F3: variants seen among roughly 807,000 people sequenced by gnomAD.
F3 encodes tissue factor.
Under a neutral mutation model 33.5 loss-of-function variants are expected in F3, and 18 were observed. That is an observed-to-expected ratio of 0.54 (90% CI 0.37 to 0.80). The LOEUF is 0.80. Ranked by LOEUF, F3 falls within the 30% of genes least tolerant of loss-of-function variation. The pLI is 0.00. For missense variants in F3, 353 were observed against 362.1 expected, an observed-to-expected ratio of 0.97 and a Z score of 0.20; for synonymous variants, 147 against 140.7, an observed-to-expected ratio of 1.05 and a Z score of -0.32.
intron 1 of F3, chr1:94,540,614 T>C: frequency 2.4e-6 from 1 of 418,588 alleles, no homozygotes; most frequent in South Asian, 2.9e-5. Flanking sequence ...ACATTTTCGT[T>C]TGAAATTATT....
intron 2 of F3, 35 bp from the exon 3 acceptor site, chr1:94,536,199 A>G (rs1462476371): frequency 4.4e-6 from 7 of 1,599,588 alleles, no homozygotes; most frequent in Non-Finnish European, 5.1e-6. Flanking sequence ...ACATAAATGG[A>G]ATGTTACAAT....
Position 94,532,446 on chromosome 1 carries a change from A to G in F3, c.626T>C (p.Ile209Thr). 6.2e-7 allele frequency: 1 copy of G among 1,614,144 alleles called. No homozygotes were observed. The highest frequency in any genetic ancestry group is 8.5e-7 in the Non-Finnish European group (1 of 1,180,032). The part of the protein sequence containing the change: ...TAKTNTNEFL[I>T]DVDKGENYCF... The stretch of plus-strand genomic sequence containing the variant: ...GTAGTTTTCTCCTTTATCCACATCA[A>G]TCAAAAACTCATTAGTGTTTGTTTT... Residue 209 changes from isoleucine to threonine, a missense_variant, in exon 5 of 6, where the codon ATT becomes ACT. Physicochemically the swap from Ile to Thr is moderately conservative, Grantham distance 89. Coordinates refer to ENST00000334047, the MANE Select transcript of F3 (RefSeq NM_001993.5).
In F3 at chr1:94,535,158, C is replaced by T. The variant is rs368839344; in HGVS notation, c.412+807G>A. Among the ~76,000 whole-genome samples the T allele has an allele frequency of 2.4e-4, 36 of 152,152 alleles. 1 individual carries two copies. The highest frequency in any genetic ancestry group is 6.5e-4 in the African/African-American group (27 of 41,448). On this transcript the variant is annotated intron_variant, in intron 3 of 5. Transcript: ENST00000334047. ...CCTACCTTGAGAAACTGTTCTCTCT[C>T]GCTGGGCCTAACACTCACACAACAC...
At chr1:94,538,251 T>C (rs1651668690) in intron 2 of F3, among the ~76,000 whole-genome samples, 1 of 152,218 alleles carries the variant, frequency 6.6e-6, no homozygotes, top group Non-Finnish European at 1.5e-5. Context: ...AAATTCAGCT[T>C]TAGAATTCAG....
rs1570859255 is a variant in F3, at chr1:94,530,192, C to T, written c.*268G>A. 3.5e-6 allele frequency: 1 copy of T among 289,468 alleles called. No individual in the cohort carries two copies. The highest frequency in any genetic ancestry group is 6.1e-5 in the East Asian group (1 of 16,464). The allele number at this position is 289,468 out of a possible 1,614,324, so 17.9% of individuals were successfully genotyped here. A position where few individuals can be genotyped will look rare whatever the true frequency, so the allele number is the denominator to read the frequency against. ...ACTCCTTGAGTGCGGAATATATAAT[C>T]TAAAGCATGTTATGTGCAAAAGGTG... is the stretch of plus-strand genomic sequence containing the variant. On this transcript the variant is annotated 3_prime_UTR_variant, in exon 6 of 6. Transcript: ENST00000334047.
rs755462071 is a variant in F3, at chr1:94,530,559, G to C, written c.789C>G (p.Val263=). 3 of 1,614,076 alleles carry C rather than the reference G, an allele frequency of 1.9e-6. No individual in the cohort carries two copies. Among genetic ancestry groups the C allele is most frequent in the Non-Finnish European group, 2.5e-6 (3 of 1,180,014 alleles). ...FYIIGAVVFV[V]IILVIILAIS... ...TAGCCAGGATGATGACAAGGATGAT[G>C]ACCACAAATACCACAGCTCCAATGA... is the stretch of plus-strand genomic sequence containing the variant. Residue 263 remains valine, a synonymous_variant, in exon 6 of 6, where the codon GTC becomes GTG. Coordinates refer to ENST00000334047, the MANE Select transcript of F3 (RefSeq NM_001993.5).
Position 94,540,531 on chromosome 1 carries a change from A to T in F3, c.101-163T>A. The T allele has an allele frequency of 5.6e-6, 3 of 538,782 alleles. No individual in the cohort carries two copies. In the East Asian group the frequency reaches 9.4e-5, roughly 17 times the overall value. 33.4% of individuals were successfully genotyped at this position (538,782 alleles called of 1,614,324 possible). On this transcript the variant is annotated intron_variant, in intron 1 of 5. Coordinates refer to ENST00000334047, the MANE Select transcript of F3 (RefSeq NM_001993.5). ...ATTATCAAGAGAAAAAGAATCTTCA[A>T]ATTTTTTCTAGACCTAGAATTTCTT... is the stretch of plus-strand genomic sequence containing the variant.
At chr1:94,532,906 G>A in intron 4 of F3, 184 bp downstream of exon 4, 1 of 636,372 alleles carries the variant, frequency 1.6e-6, no homozygotes, top group Non-Finnish European at 2.7e-6. Flanking sequence ...ACAGGGTAGT[G>A]CAGAGTCACA....
At chr1:94,530,876 G>C (rs1651403451) in intron 5 of F3, among the ~76,000 whole-genome samples, 1 of 152,228 alleles carries the variant, frequency 6.6e-6, no homozygotes. Flanking sequence ...TGGCTGGAAA[G>C]AAGTGCCTAA....
chr1:94,530,358 A>G lies in F3; in HGVS notation c.*102T>C, dbSNP rs1570859402. 7 of 1,479,282 alleles carry G rather than the reference A, an allele frequency of 4.7e-6. No homozygotes were observed. In the East Asian group the frequency reaches 1.4e-4, roughly 29 times the overall value. The allele number at this position is 1,479,282 out of a possible 1,614,324, so 91.6% of individuals were successfully genotyped here. A position where few individuals can be genotyped will look rare whatever the true frequency, so the allele number is the denominator to read the frequency against. ...GAGTTTTTTGAACTCCAGGGTCTTC[A>G]TGCTCCGAAATACTCATTTGCGTTT... On this transcript the variant is annotated 3_prime_UTR_variant, in exon 6 of 6. Coordinates refer to ENST00000334047, the MANE Select transcript of F3 (RefSeq NM_001993.5).
intron 5 of F3, among the ~76,000 whole-genome samples, chr1:94,531,760 C>T (rs1465540866): frequency 2.0e-5 from 3 of 152,224 alleles, no homozygotes; most frequent in African/African-American, 7.2e-5. Context: ...GCACAATGGG[C>T]CTGAGCTCCC....
At position 94,541,675 on chromosome 1, in the gene F3, C is replaced by T. The variant is rs772317166; in HGVS notation, c.-39G>A. The T allele has an allele frequency of 1.5e-6, 2 of 1,322,184 alleles. No individual in the cohort carries two copies. The highest frequency in any genetic ancestry group is 9.9e-7 in the Non-Finnish European group (1 of 1,014,026). 81.9% of individuals were successfully genotyped at this position (1,322,184 alleles called of 1,614,324 possible). On this transcript the variant is annotated 5_prime_UTR_variant, in exon 1 of 6. Coordinates refer to ENST00000334047, the MANE Select transcript of F3 (RefSeq NM_001993.5). ...CGGCGAGATCGAGCGGGTTCCGTGG[C>T]GCCCGTGGGGCTGGGGAGGTTGGGC...
chr1:94,532,556 T>TA, intron 4 of F3, 76 bp from the exon 5 acceptor site: 1 of 1,525,388 alleles, frequency 6.6e-7, no homozygotes, highest in South Asian at 1.2e-5. Flanking sequence ...ACTGTGGAAG[T>TA]AAAAACCTAG....
Position 94,533,095 on chromosome 1 carries a change from C to G in F3, c.586G>C (p.Gly196Arg). ...ACAAATTAAAAAATGCTCACCTTTC[C>G]TGAACTTGAAGATTTCCAATAATAA... ...TLYYWKSSSSGKKTAKTNTNE... is the reference protein window; with the variant it reads ...TLYYWKSSSSRKKTAKTNTNE... The change falls in exon 4 of 6, where the codon GGA (glycine) becomes CGA (arginine). Residue 196 changes from glycine (G) to arginine (R), a missense_variant. Coordinates refer to ENST00000334047, the MANE Select transcript of F3 (RefSeq NM_001993.5). The G allele has an allele frequency of 6.2e-7, 1 of 1,612,442 alleles. No individual in the cohort carries two copies. The highest frequency in any genetic ancestry group is 8.5e-7 in the Non-Finnish European group (1 of 1,179,670).
intron 3 of F3, among the ~76,000 whole-genome samples, chr1:94,534,314 T>C (rs1284531143): frequency 1.3e-5 from 2 of 152,208 alleles, no homozygotes; most frequent in African/African-American, 2.4e-5. Context: ...AGTCAACCGA[T>C]AGGTAGGCTA....
rs750310950 is a variant in F3 at position 94,532,390 on chromosome 1, G to T, written c.682C>A (p.Arg228=). 4.3e-6 allele frequency: 7 copies of T among 1,613,982 alleles called. No homozygotes were observed. Among genetic ancestry groups the T allele is most frequent in the Non-Finnish European group, 5.1e-6 (6 of 1,180,036 alleles). The part of the protein sequence containing the change: ...CFSVQAVIPS[R]TVNRKSTDSP... Reference sequence around the variant, plus strand: ...TCTGTACTCTTCCGGTTAACTGTTCGGGAGGGAATCACTGCTTGAACACTG... The same window carrying T: ...TCTGTACTCTTCCGGTTAACTGTTCTGGAGGGAATCACTGCTTGAACACTG... Residue 228 remains arginine (R), a synonymous_variant, in exon 5 of 6, where the codon CGA becomes AGA. Transcript: ENST00000334047.
chr1:94,533,407 C>T (rs750983891), intron 3 of F3, 139 bp from the exon 4 acceptor site: 40 of 1,023,516 alleles, frequency 3.9e-5, no homozygotes, highest in Non-Finnish European at 5.2e-5. Flanking sequence ...AAGAAGCAGG[C>T]GTGGCGGCCT....
rs180965157 is a variant in F3 at position 94,540,324 on chromosome 1, T to C, written c.145A>G (p.Thr49Ala). Residue 49 changes from threonine (T) to alanine (A), a missense_variant, in exon 2 of 6, where the codon ACT becomes GCT. Thr to Ala is a moderately conservative substitution (Grantham distance 58, BLOSUM62 0). Coordinates refer to ENST00000334047, the MANE Select transcript of F3 (RefSeq NM_001993.5). The part of the protein sequence containing the change: ...VAAYNLTWKS[T>A]NFKTILEWEP... ...CACTCCAAAATTGTCTTGAAATTAGTTGATTTCCAAGTTAAATTATATGCT... is the reference window on the plus strand; with the variant it reads ...CACTCCAAAATTGTCTTGAAATTAGCTGATTTCCAAGTTAAATTATATGCT... The C allele has an allele frequency of 8.7e-6, 14 of 1,614,108 alleles. No homozygotes were observed. In the African/African-American group the frequency reaches 1.7e-4, roughly 20 times the overall value.
At position 94,533,855 on chromosome 1, in the gene F3, T is replaced by TC. The variant is rs533762918; in HGVS notation, c.413-588dup. On this transcript the variant is annotated intron_variant, in intron 3 of 5. Coordinates refer to ENST00000334047, the MANE Select transcript of F3 (RefSeq NM_001993.5). ...CTTCCTTCTTTCTTTTCTTTTCTTT[T>TC]CTTTTTTTTCTTTCTTTCCCTTTCT... Among the ~76,000 whole-genome samples the TC allele has an allele frequency of 3.9e-5, 6 of 152,108 alleles. No individual in the cohort carries two copies. In the South Asian group the frequency reaches 1.2e-3, roughly 32 times the overall value.
Sources: gnomAD v4.1 joint callset for allele counts (sites outside exome capture counted in the v4.1 genomes callset) on GRCh38, gnomAD v4.1.1 for gene constraint, MANE v1.5 for transcripts, NCBI Gene and HGNC (gene_info 2026-07-23, HGNC 2026-07-21) for gene names.